Variants in FREM3 observed in about 807,000 individuals in gnomAD.
FREM3 encodes the protein FRAS1 related extracellular matrix 3.
FREM3 carries 105 observed loss-of-function variants against 129.1 expected under a neutral mutation model. The observed-to-expected ratio is 0.81, with a 90% CI of 0.69 to 0.96. The LOEUF is 0.96. Ranked by LOEUF, FREM3 falls within the 40% of genes least tolerant of loss-of-function variation. The pLI, the probability that FREM3 is intolerant of heterozygous loss-of-function variation, is 0.00. For synonymous variants in FREM3, 1,014 were observed against 1,044.9 expected, an observed-to-expected ratio of 0.97 and a Z score of 0.57; for missense variants, 2,593 against 2,666.3, an observed-to-expected ratio of 0.97 and a Z score of 0.61.
intron 2 of FREM3, among the ~76,000 whole-genome samples, chr4:143,691,424 A>C (rs1740468215): frequency 6.6e-6 from 1 of 152,194 alleles, no homozygotes; most frequent in Admixed American, 6.5e-5. Flanking sequence ...AAATTAAAAA[A>C]AAAAGAAAGT....
At chr4:143,687,841 T>C (rs984215608) in intron 2 of FREM3, among the ~76,000 whole-genome samples, 2 of 152,050 alleles carry the variant, frequency 1.3e-5, no homozygotes, top group African/African-American at 4.8e-5. Flanking sequence ...CTCAGCAAAA[T>C]TGGCACACAA....
intron 6 of FREM3, among the ~76,000 whole-genome samples, chr4:143,593,919 C>T (rs1578826144): frequency 6.6e-6 from 1 of 152,212 alleles, no homozygotes; most frequent in Non-Finnish European, 1.5e-5. Flanking sequence ...GCTCAAGCCT[C>T]GGCAATGGCG....
At chr4:143,640,288 C>T (rs1185173747) in intron 2 of FREM3, among the ~76,000 whole-genome samples, 1 of 152,150 alleles carries the variant, frequency 6.6e-6, no homozygotes, top group Non-Finnish European at 1.5e-5. Context: ...TGGCAATTAA[C>T]AGGGGCTTAA....
At chr4:143,647,976 C>A (rs1739448369) in intron 2 of FREM3, among the ~76,000 whole-genome samples, 1 of 152,184 alleles carries the variant, frequency 6.6e-6, no homozygotes, top group Non-Finnish European at 1.5e-5. Flanking sequence ...CAATGCCAAC[C>A]CATGAAAGCA....
intron 2 of FREM3, among the ~76,000 whole-genome samples, chr4:143,663,864 C>T (rs1255854820): frequency 1.3e-5 from 2 of 152,082 alleles, no homozygotes; most frequent in African/African-American, 4.8e-5. Flanking sequence ...CCCTTTCTTC[C>T]AGTTGATCGC....
intron 2 of FREM3, among the ~76,000 whole-genome samples, chr4:143,648,945 A>C (rs924588138): frequency 6.6e-6 from 1 of 152,152 alleles, no homozygotes; most frequent in Non-Finnish European, 1.5e-5. Context: ...CATTAAAAAA[A>C]TAGAGATAGG....
chr4:143,650,645 C>G (rs1447263438), intron 2 of FREM3, among the ~76,000 whole-genome samples: 1 of 152,232 alleles, frequency 6.6e-6, no homozygotes, highest in African/African-American at 2.4e-5. Context: ...CACATGCCAA[C>G]ATGCCCAGCC....
chr4:143,603,689 ATCCAGCCC>A (rs1466471669), intron 6 of FREM3, among the ~76,000 whole-genome samples: 2 of 152,176 alleles, frequency 1.3e-5, no homozygotes, highest in African/African-American at 4.8e-5. Context: ...CCTTTAAATT[ATCCAGCCC>A]AGAGAGGCAT....
Position 143,674,504 on chromosome 4 carries a change from T to A in FREM3, c.5275+18609A>T, listed in dbSNP as rs1318772017. Among the ~76,000 whole-genome samples the A allele has an allele frequency of 2.6e-5, 4 of 152,146 alleles. No homozygotes were observed. In the East Asian group the frequency reaches 7.7e-4, roughly 29 times the overall value. ...TCAACTGACAAGCAAAATAACTGGC[T>A]GACATCGTAATGATAGGATCAAATT... is the stretch of plus-strand genomic sequence containing the variant. On this transcript the variant is annotated intron_variant, in intron 2 of 7. Coordinates refer to ENST00000329798, the MANE Select transcript of FREM3 (RefSeq NM_001168235.2).
chr4:143,585,943 G>C lies in FREM3; in HGVS notation c.6079C>G (p.Arg2027Gly). The change falls in exon 7 of 8, where the codon CGC becomes GGC. Residue 2027 changes from arginine to glycine, a missense_variant. This residue lies in a region of FREM3 where 317 missense variants were observed against 399.0 expected (regional missense o/e 0.79). Coordinates refer to ENST00000329798, the MANE Select transcript of FREM3 (RefSeq NM_001168235.2). This position sits in a 1 kb window ranked among gnomAD's most constrained non-coding sequence, Gnocchi z 4.2. The stretch of plus-strand genomic sequence containing the variant: ...CTCCAAACACAAACCTCCACGTAGC[G>C]AGCACTTTCATTGACGTGATATTCA... Reference protein sequence around the residue: ...DAEYHVNESARYVEVCVWRRG... With the variant: ...DAEYHVNESAGYVEVCVWRRG... 6.5e-7 allele frequency: 1 copy of C among 1,537,508 alleles called. No homozygotes were observed. The highest frequency in any genetic ancestry group is 8.7e-7 in the Non-Finnish European group (1 of 1,146,976).
chr4:143,600,389 G>T (rs1455501926), intron 6 of FREM3, among the ~76,000 whole-genome samples: 1 of 152,026 alleles, frequency 6.6e-6, no homozygotes, highest in Non-Finnish European at 1.5e-5. Flanking sequence ...CTGTTCGGGC[G>T]ACAGGTGCAC....
Position 143,700,259 on chromosome 4 carries a change from C to T in FREM3, c.417G>A (p.Val139=), listed in dbSNP as rs1740671289. 2.0e-6 allele frequency: 3 copies of T among 1,536,520 alleles called. No homozygotes were observed. In the African/African-American group the frequency reaches 4.1e-5, roughly 21 times the overall value. The stretch of plus-strand genomic sequence containing the variant: ...GGGCGTCGTAGCGCAGCTGCAGCAG[C>T]ACCCGGGCGCGTCCGGGGCTGTGGG... ...FGSHSPGRAR[V]LLQLRYDAPT... is the part of the protein sequence containing the mutation. Residue 139 remains valine (V), a synonymous_variant, in exon 1 of 8, where the codon GTG becomes GTA. Transcript: ENST00000329798.
chr4:143,614,512 A>G (rs1738812233), intron 5 of FREM3, among the ~76,000 whole-genome samples: 1 of 152,228 alleles, frequency 6.6e-6, no homozygotes, highest in Admixed American at 6.5e-5. Context: ...CTGGTATCAA[A>G]GACACTTATT....
intron 3 of FREM3, among the ~76,000 whole-genome samples, chr4:143,626,608 A>G (rs771782794): frequency 4.4e-4 from 67 of 152,284 alleles, no homozygotes; most frequent in Middle Eastern, 6.8e-3. Context: ...TTCAGCTGAC[A>G]TTCCTGGCAG....
intron 6 of FREM3, among the ~76,000 whole-genome samples, chr4:143,592,841 C>T (rs1397147780): frequency 3.3e-5 from 5 of 152,298 alleles, no homozygotes; most frequent in Non-Finnish European, 5.9e-5. Flanking sequence ...TGTTTTCCAA[C>T]TTGGTTCCAT....
rs1286826999 is a variant in FREM3 at position 143,698,532 on chromosome 4, A to G, written c.2144T>C (p.Val715Ala). 1.3e-6 allele frequency: 2 copies of G among 1,537,498 alleles called. No individual in the cohort carries two copies. The highest frequency in any genetic ancestry group is 1.7e-6 in the Non-Finnish European group (2 of 1,147,024). Residue 715 changes from valine (V) to alanine (A), a missense_variant, in exon 1 of 8, where the codon GTA becomes GCA. By Grantham distance (64) the Val-to-Ala change is moderately conservative. This residue lies in a region of FREM3 where 2,276 missense variants were observed against 2,267.2 expected (regional missense o/e 1.00). Coordinates refer to ENST00000329798, the MANE Select transcript of FREM3 (RefSeq NM_001168235.2). ...LYPGTTLEMT[V>A]QEYQLTHFQK... ...GAAGTGAGTGAGTTGGTATTCTTGTACAGTCATTTCTAGTGTAGTTCCTGG... is the reference window on the plus strand; with the variant it reads ...GAAGTGAGTGAGTTGGTATTCTTGTGCAGTCATTTCTAGTGTAGTTCCTGG...
chr4:143,694,288 G>A (rs1334472942), intron 1 of FREM3, among the ~76,000 whole-genome samples: 1 of 152,156 alleles, frequency 6.6e-6, no homozygotes, highest in Non-Finnish European at 1.5e-5. Flanking sequence ...GGTCTATTTG[G>A]TTTTGAATCT....
rs1376693998 is a variant in FREM3 at position 143,577,596 on chromosome 4, C to T, written c.*15G>A. 1.2e-5 allele frequency: 18 copies of T among 1,523,150 alleles called. No individual in the cohort carries two copies. Among genetic ancestry groups the T allele is most frequent in the Non-Finnish European group, 1.6e-5 (18 of 1,140,062 alleles). 94.4% of individuals were successfully genotyped at this position (1,523,150 alleles called of 1,614,324 possible). A position where few individuals can be genotyped will look rare whatever the true frequency, so the allele number is the denominator to read the frequency against. On this transcript the variant is annotated 3_prime_UTR_variant, in exon 8 of 8. Coordinates refer to ENST00000329798, the MANE Select transcript of FREM3 (RefSeq NM_001168235.2). The stretch of plus-strand genomic sequence containing the variant: ...GGAGACATATCTTGGCTGTTTTTTT[C>T]CCTCTTAAAGTCTTTCAATCAAAGG...
rs186897784 is a variant in FREM3 at position 143,687,829 on chromosome 4, C to T, written c.5275+5284G>A. Among the ~76,000 whole-genome samples, 69 of 152,222 alleles carry T rather than the reference C, an allele frequency of 4.5e-4. No homozygotes were observed. In the East Asian group the frequency reaches 0.01, roughly 23 times the overall value. ...ATCCAGCATCCCTTTATTATTAAAA[C>T]TCTCAGCAAAATTGGCACACAAGGG... On this transcript the variant is annotated intron_variant, in intron 2 of 7. Transcript: ENST00000329798.
Sources: allele counts gnomAD v4.1 joint callset (sites outside exome capture counted in the v4.1 genomes callset), GRCh38; gene constraint gnomAD v4.1.1; regional missense constraint gnomAD v4.1.1; non-coding constraint Gnocchi (gnomAD v3.1); transcripts MANE v1.5; gene names NCBI Gene and HGNC (gene_info 2026-07-23, HGNC 2026-07-21).